Variants in TBC1D5 observed in about 807,000 individuals in gnomAD.
TBC1D5 encodes TBC1 domain family member 5, also known as TBC1 domain family, member 5.
Under a neutral mutation model 100.3 loss-of-function variants are expected in TBC1D5, and 75 were observed. That is an observed-to-expected ratio of 0.75 (90% confidence interval 0.62 to 0.91). The LOEUF is 0.91. TBC1D5 is among the 40% of genes least tolerant of loss of function. The pLI, the probability that TBC1D5 is intolerant of heterozygous loss-of-function variation, is 0.00. For synonymous variants in TBC1D5, 323 were observed against 325.6 expected (o/e 0.99, Z 0.09); for missense variants, 910 against 942.4 (o/e 0.97, Z 0.45).
chr3:17,295,804 T>A (rs1368132851), intron 14 of TBC1D5, among the ~76,000 whole-genome samples: 1 of 152,186 alleles, frequency 6.6e-6, no homozygotes, highest in Non-Finnish European at 1.5e-5. Flanking sequence ...CCCAAAAATA[T>A]CACTTATCAA....
At chr3:17,547,249 A>G (rs1254575949) in intron 2 of TBC1D5, among the ~76,000 whole-genome samples, 1 of 152,128 alleles carries the variant, frequency 6.6e-6, no homozygotes, top group Non-Finnish European at 1.5e-5. Context: ...AAAAACAATA[A>G]ATATCAAATA....
chr3:17,393,499 A>T (rs1368303734), intron 8 of TBC1D5, among the ~76,000 whole-genome samples: 1 of 152,202 alleles, frequency 6.6e-6, no homozygotes, highest in Non-Finnish European at 1.5e-5. Flanking sequence ...GAACCAAGAA[A>T]GAGCCCATAT....
intron 17 of TBC1D5, among the ~76,000 whole-genome samples, chr3:17,216,895 C>CT (rs1472525844): frequency 2.6e-5 from 4 of 152,250 alleles, no homozygotes; most frequent in African/African-American, 9.6e-5. Flanking sequence ...CATGTCATAA[C>CT]TTTCACCTTT....
intron 1 of TBC1D5, among the ~76,000 whole-genome samples, chr3:17,674,860 T>G (rs1024506722): frequency 1.3e-5 from 2 of 152,026 alleles, no homozygotes; most frequent in Non-Finnish European, 2.9e-5. Flanking sequence ...ATGAGTTCAT[T>G]TGAGTGAAAA....
At chr3:17,460,540 C>A (rs2095184336) in intron 3 of TBC1D5, among the ~76,000 whole-genome samples, 1 of 152,174 alleles carries the variant, frequency 6.6e-6, no homozygotes, top group Non-Finnish European at 1.5e-5. Flanking sequence ...AGTTCTTAAT[C>A]TGGCCTCTCA....
chr3:17,185,157 G>C, exon 19 of TBC1D5: 1 of 1,613,594 alleles, frequency 6.2e-7, no homozygotes, highest in East Asian at 2.2e-5. Context: ...ATGGCATCCA[G>C]GTCATTCAAC....
chr3:17,182,050 T>G (rs1462644780), intron 19 of TBC1D5, among the ~76,000 whole-genome samples: 1 of 152,216 alleles, frequency 6.6e-6, no homozygotes. Context: ...GAAGCCATAA[T>G]ATGTTAAAAA....
At chr3:17,719,520 C>A (rs1001301354) in intron 1 of TBC1D5, among the ~76,000 whole-genome samples, 1 of 152,074 alleles carries the variant, frequency 6.6e-6, no homozygotes, top group Non-Finnish European at 1.5e-5. Flanking sequence ...ACATGATTAT[C>A]CACAAAAATC....
chr3:17,290,435 G>T (rs558102803), intron 15 of TBC1D5, among the ~76,000 whole-genome samples: 1 of 152,134 alleles, frequency 6.6e-6, no homozygotes, highest in East Asian at 1.9e-4. Context: ...TACCAAGATC[G>T]ATAGGTTTTG....
At chr3:17,439,162 T>C (rs2094591627) in intron 3 of TBC1D5, among the ~76,000 whole-genome samples, 1 of 152,208 alleles carries the variant, frequency 6.6e-6, no homozygotes, top group South Asian at 2.1e-4. Context: ...CCCTCAAGGT[T>C]GAACATCTAG....
chr3:17,414,113 G>T (rs2094005203), intron 4 of TBC1D5, among the ~76,000 whole-genome samples: 1 of 152,140 alleles, frequency 6.6e-6, no homozygotes, highest in South Asian at 2.1e-4. Flanking sequence ...AGTTTACAAG[G>T]TCAGCCAGTC....
At chr3:17,405,436 G>GA (rs1322338466) in intron 5 of TBC1D5, among the ~76,000 whole-genome samples, 8 of 151,522 alleles carry the variant, frequency 5.3e-5, no homozygotes, top group Non-Finnish European at 1.0e-4. Flanking sequence ...TCCTTTTACA[G>GA]AAAAAAAATG....
At chr3:17,197,327 T>G (rs997185559) in intron 18 of TBC1D5, among the ~76,000 whole-genome samples, 1 of 152,158 alleles carries the variant, frequency 6.6e-6, no homozygotes, top group Non-Finnish European at 1.5e-5. Context: ...TTTTTTTTAG[T>G]GTTGTACCTC....
At chr3:17,193,046 C>T (rs1050200499) in intron 18 of TBC1D5, among the ~76,000 whole-genome samples, 2 of 152,344 alleles carry the variant, frequency 1.3e-5, no homozygotes, top group South Asian at 4.1e-4. Context: ...CCTTTAGTTT[C>T]CCCCAGAAAC....
intron 2 of TBC1D5, among the ~76,000 whole-genome samples, chr3:17,563,501 C>T (rs1047024466): frequency 5.9e-5 from 9 of 152,178 alleles, no homozygotes; most frequent in East Asian, 3.9e-4. Context: ...TATTTCAAAA[C>T]GGAGTAAAGT....
At chr3:17,359,538 A>C (rs115872965) in intron 13 of TBC1D5, among the ~76,000 whole-genome samples, 5,258 of 152,150 alleles carry the variant, frequency 0.035, 124 homozygotes, top group Non-Finnish European at 0.05. Context: ...GCTAGTCAGG[A>C]GACACTTATC....
At chr3:17,430,761 T>C (rs1406141125) in intron 3 of TBC1D5, among the ~76,000 whole-genome samples, 1 of 151,832 alleles carries the variant, frequency 6.6e-6, no homozygotes, top group Non-Finnish European at 1.5e-5. Flanking sequence ...TCCCAGACTC[T>C]TATTTTGGAA....
intron 4 of TBC1D5, among the ~76,000 whole-genome samples, chr3:17,416,851 CA>C (rs1385150645): frequency 2.1e-4 from 32 of 152,000 alleles, no homozygotes; most frequent in African/African-American, 7.5e-4. Context: ...CCAAAATGGT[CA>C]ATGCTGGAAA....
At chr3:17,626,230 C>T (rs1405741221) in intron 1 of TBC1D5, among the ~76,000 whole-genome samples, 2 of 152,030 alleles carry the variant, frequency 1.3e-5, no homozygotes, top group African/African-American at 4.8e-5. Flanking sequence ...AATGACAAAC[C>T]ACATTCTTCA....
Sources: gnomAD v4.1 joint callset for allele counts (sites outside exome capture counted in the v4.1 genomes callset) on GRCh38, gnomAD v4.1.1 for gene constraint, MANE v1.5 for transcripts, NCBI Gene and HGNC (gene_info 2026-07-23, HGNC 2026-07-21) for gene names.